Variants in KLF12 observed in about 807,000 individuals in gnomAD.
KLF12 encodes the protein KLF transcription factor 12, also known as Krueppel-like factor 12.
KLF12 carries 9 observed loss-of-function variants against 37.8 expected under a neutral mutation model. The ratio of observed to expected loss-of-function variants is 0.24; its 90% CI spans 0.14 to 0.42. The LOEUF is 0.42. KLF12 is among the 10% of genes least tolerant of loss of function. The pLI is 1.00. For synonymous variants in KLF12, 208 were observed against 202.1 expected, an observed-to-expected ratio of 1.03 and a Z score of -0.25; for missense variants, 411 against 516.0, an observed-to-expected ratio of 0.80 and a Z score of 1.97.
the KLF12 span, among the ~76,000 whole-genome samples, chr13:74,273,650 T>C: frequency 6.6e-6 from 1 of 152,100 alleles, no homozygotes; most frequent in African/African-American, 2.4e-5. Flanking sequence ...GAATGAGTTA[T>C]GCAAAGTAGA....
chr13:74,276,131 T>C, the KLF12 span, among the ~76,000 whole-genome samples: 414 of 151,914 alleles, frequency 2.7e-3, 1 homozygote, highest in Non-Finnish European at 5.1e-3. Context: ...CTCCCCTTGC[T>C]CCCTACTCCC....
intron 1 of KLF12, among the ~76,000 whole-genome samples, chr13:74,078,480 T>A (rs546695781): frequency 1.3e-5 from 2 of 152,356 alleles, no homozygotes; most frequent in Non-Finnish European, 2.9e-5. Context: ...GGCATAATTA[T>A]AAATGGCCAT....
chr13:74,116,402 T>C (rs1348359220), intron 1 of KLF12, among the ~76,000 whole-genome samples: 1 of 152,218 alleles, frequency 6.6e-6, no homozygotes, highest in East Asian at 1.9e-4. Context: ...GCCATGAACA[T>C]TTTACAGCAC....
chr13:73,773,424 C>CA (rs1367825681), intron 5 of KLF12, among the ~76,000 whole-genome samples: 2 of 152,030 alleles, frequency 1.3e-5, no homozygotes, highest in Non-Finnish European at 2.9e-5. Flanking sequence ...GTCAGAAAGG[C>CA]AAAAAACAAT....
At chr13:74,094,622 T>C (rs1336793149) in intron 1 of KLF12, among the ~76,000 whole-genome samples, 2 of 151,034 alleles carry the variant, frequency 1.3e-5, no homozygotes, top group Non-Finnish European at 3.0e-5. Flanking sequence ...TTTTTTGAGA[T>C]GGAGTATCAC....
chr13:73,926,664 C>A (rs1889392695), intron 3 of KLF12, among the ~76,000 whole-genome samples: 1 of 148,176 alleles, frequency 6.7e-6, no homozygotes. Flanking sequence ...AAAGGAGAAC[C>A]AAAGGTAGAA....
At chr13:73,809,757 G>T (rs1258553494) in intron 5 of KLF12, among the ~76,000 whole-genome samples, 1 of 152,068 alleles carries the variant, frequency 6.6e-6, no homozygotes, top group Non-Finnish European at 1.5e-5. Context: ...ATTCAGTCTT[G>T]AATGATGACT....
rs139782997 is a variant in KLF12, at chr13:73,885,787, G to A, written c.124-39414C>T. Among the ~76,000 whole-genome samples, 907 of 152,332 alleles carry A rather than the reference G, an allele frequency of 6.0e-3. 14 individuals are homozygous for A. Among genetic ancestry groups the A allele is most frequent in the African/African-American group, 0.021 (880 of 41,570 alleles). On this transcript the variant is annotated intron_variant, in intron 3 of 7. Transcript: ENST00000377669. Reference sequence around the variant, plus strand: ...AAACCTGGTACACAGAGAATACGTTGAAGGGAGTGACAGCAGAAGTTAGAG... The same window carrying A: ...AAACCTGGTACACAGAGAATACGTTAAAGGGAGTGACAGCAGAAGTTAGAG...
chr13:73,798,466 A>G (rs1421819071), intron 5 of KLF12, among the ~76,000 whole-genome samples: 3 of 152,156 alleles, frequency 2.0e-5, no homozygotes, highest in African/African-American at 7.2e-5. Flanking sequence ...AAGACCATCG[A>G]TGGAGTAAAA....
At chr13:73,702,801 T>A (rs1460455324) in intron 7 of KLF12, among the ~76,000 whole-genome samples, 3 of 152,196 alleles carry the variant, frequency 2.0e-5, no homozygotes, top group Non-Finnish European at 4.4e-5. Context: ...AGAATCAAGA[T>A]TCCTATCTTG....
intron 3 of KLF12, among the ~76,000 whole-genome samples, chr13:73,901,949 C>A (rs1304518088): frequency 6.6e-6 from 1 of 152,082 alleles, no homozygotes; most frequent in Non-Finnish European, 1.5e-5. Context: ...ATACAAATGG[C>A]TTAAAACTAC....
At position 73,690,910 on chromosome 13, in the gene KLF12, G is replaced by A. The variant is rs1044269958; in HGVS notation, c.*4580C>T. On this transcript the variant is annotated 3_prime_UTR_variant, in exon 8 of 8. Coordinates refer to ENST00000377669, the MANE Select transcript of KLF12 (RefSeq NM_007249.5). Reference sequence around the variant, plus strand: ...CTATTTCATTTTCTTATGAAAATCTGGATTTCTATTGCAATTGCTCAGTAA... The same window carrying A: ...CTATTTCATTTTCTTATGAAAATCTAGATTTCTATTGCAATTGCTCAGTAA... 3 of 152,446 alleles carry A rather than the reference G, an allele frequency of 2.0e-5. No individual in the cohort carries two copies. The highest frequency in any genetic ancestry group is 7.3e-5 in the African/African-American group (3 of 41,368). 9.4% of individuals were successfully genotyped at this position (152,446 alleles called of 1,614,324 possible). A position where few individuals can be genotyped will look rare whatever the true frequency, so the allele number is the denominator to read the frequency against.
the KLF12 span, among the ~76,000 whole-genome samples, chr13:74,181,011 T>C: frequency 6.6e-6 from 1 of 151,244 alleles, no homozygotes; most frequent in South Asian, 2.1e-4. Flanking sequence ...TTTTCTTTTG[T>C]TTTTTTTGAC....
chr13:73,855,465 A>G (rs1267793388), intron 3 of KLF12, among the ~76,000 whole-genome samples: 5 of 152,146 alleles, frequency 3.3e-5, no homozygotes, highest in Admixed American at 1.3e-4. Context: ...CACGGTGTAT[A>G]TGTACCACAT....
At chr13:74,249,868 C>A in the KLF12 span, among the ~76,000 whole-genome samples, 2 of 152,192 alleles carry the variant, frequency 1.3e-5, no homozygotes, top group African/African-American at 4.8e-5. Context: ...TCTGGAAGTT[C>A]CTGAGGCTGG....
chr13:73,734,622 G>A (rs888308616), intron 6 of KLF12, among the ~76,000 whole-genome samples: 3 of 151,424 alleles, frequency 2.0e-5, no homozygotes, highest in East Asian at 3.9e-4. Flanking sequence ...CTTTTTTGGG[G>A]GGGTGGGGGA....
In KLF12 at chr13:73,847,454, G is replaced by A. The variant is rs74095856; in HGVS notation, c.124-1081C>T. Among the ~76,000 whole-genome samples, 160 of 151,824 alleles carry A rather than the reference G, an allele frequency of 1.1e-3. 2 individuals are homozygous for A. Among genetic ancestry groups the A allele is most frequent in the African/African-American group, 3.4e-3 (140 of 41,398 alleles). The stretch of plus-strand genomic sequence containing the variant: ...GGTGTGCTATTCCCCCTAAAACTTC[G>A]GCATACATTTAAAGGAATGAAACAT... On this transcript the variant is annotated intron_variant, in intron 3 of 7. Transcript: ENST00000377669.
chr13:73,843,908 G>C (rs933948489), intron 4 of KLF12, among the ~76,000 whole-genome samples: 3 of 152,042 alleles, frequency 2.0e-5, no homozygotes, highest in Non-Finnish European at 4.4e-5. Flanking sequence ...ATTATAGCAT[G>C]AGTCTTAAAA....
At chr13:73,708,317 T>C (rs1875103857) in intron 7 of KLF12, among the ~76,000 whole-genome samples, 1 of 152,172 alleles carries the variant, frequency 6.6e-6, no homozygotes, top group Non-Finnish European at 1.5e-5. Context: ...CAGAGAACAG[T>C]ATGTCAATTG....
Sources: gnomAD v4.1 joint callset for allele counts (sites outside exome capture counted in the v4.1 genomes callset) on GRCh38, gnomAD v4.1.1 for gene constraint, MANE v1.5 for transcripts, NCBI Gene and HGNC (gene_info 2026-07-23, HGNC 2026-07-21) for gene names.